Variants in GSE1 observed in about 807,000 individuals in gnomAD.
The protein encoded by GSE1 is genetic suppressor element 1.
GSE1 carries 32 observed loss-of-function variants against 112.6 expected under a neutral mutation model. That is an observed-to-expected ratio of 0.28 (90% CI 0.21 to 0.38). The LOEUF (loss-of-function observed/expected upper bound fraction) is 0.38. GSE1 is among the 10% of genes least tolerant of loss of function. GSE1 has a pLI of 1.00. For synonymous variants in GSE1, 1,115 were observed against 735.6 expected, an observed-to-expected ratio of 1.52 and a Z score of -8.35; for missense variants, 2,348 against 1,699.2, an observed-to-expected ratio of 1.38 and a Z score of -6.71.
chr16:85,438,790 G>A (rs1460614009), intron 2 of GSE1, among the ~76,000 whole-genome samples: 1 of 152,212 alleles, frequency 6.6e-6, no homozygotes, highest in Admixed American at 6.5e-5. Flanking sequence ...AGCAAAGGGT[G>A]CTGGGACACT....
chr16:85,672,193 C>G (rs1390719535), intron 15 of GSE1: 2 of 565,752 alleles, frequency 3.5e-6, no homozygotes, highest in Non-Finnish European at 3.3e-6. Flanking sequence ...TGGGGTTTCC[C>G]CATGTTGGCC....
intron 1 of GSE1, among the ~76,000 whole-genome samples, chr16:85,632,595 T>G (rs746345433): frequency 1.3e-5 from 2 of 152,136 alleles, no homozygotes; most frequent in Non-Finnish European, 2.9e-5. Context: ...CAATTAGACT[T>G]GTCAATGTCA....
At chr16:85,553,549 G>T (rs1396056785), upstream of GSE1, among the ~76,000 whole-genome samples, 1 of 151,994 alleles carries the variant, frequency 6.6e-6, no homozygotes, top group African/African-American at 2.4e-5. Flanking sequence ...CGCCAGGCGG[G>T]GCGCAGCAGC....
intron 1 of GSE1, among the ~76,000 whole-genome samples, chr16:85,235,679 C>T (rs943225776): frequency 6.6e-6 from 1 of 151,830 alleles, no homozygotes; most frequent in Non-Finnish European, 1.5e-5. Flanking sequence ...GGATTCCGTC[C>T]CCTCCCCCAG....
intron 1 of GSE1, among the ~76,000 whole-genome samples, chr16:85,280,609 C>G (rs879398701): frequency 1.3e-5 from 2 of 152,082 alleles, no homozygotes; most frequent in African/African-American, 2.4e-5. Context: ...TTGGCCAGGC[C>G]GCTCTCGAAC....
At chr16:85,236,234 G>T (rs1904648529) in intron 1 of GSE1, among the ~76,000 whole-genome samples, 1 of 152,220 alleles carries the variant, frequency 6.6e-6, no homozygotes, top group Non-Finnish European at 1.5e-5. Context: ...GAGGCCCGGA[G>T]GGGTGAAGGG....
At chr16:85,171,460 A>C (rs2074357880) in exon 1 of GSE1, 1 of 985,208 alleles carries the variant, frequency 1.0e-6, no homozygotes, top group African/African-American at 1.7e-5. Flanking sequence ...CCTGGTGGCT[A>C]CCTGTGTGCT....
At chr16:85,217,486 C>A (rs2075323425) in intron 1 of GSE1, among the ~76,000 whole-genome samples, 1 of 152,246 alleles carries the variant, frequency 6.6e-6, no homozygotes, top group South Asian at 2.1e-4. Context: ...GCGGCTCCTC[C>A]ATTCTCTGAG....
chr16:85,354,338 C>T (rs2151565879), intron 1 of GSE1, among the ~76,000 whole-genome samples: 1 of 152,370 alleles, frequency 6.6e-6, no homozygotes, highest in South Asian at 2.1e-4. Flanking sequence ...TTCATCTCTT[C>T]CTGCCTCCAT....
At chr16:85,240,608 G>T (rs947793832) in intron 1 of GSE1, among the ~76,000 whole-genome samples, 3 of 152,316 alleles carry the variant, frequency 2.0e-5, no homozygotes, top group Admixed American at 6.5e-5. Flanking sequence ...GCTGCTAGGG[G>T]TCTCCCAGAC....
At chr16:85,231,974 G>A (rs781499371) in intron 1 of GSE1, among the ~76,000 whole-genome samples, 6 of 152,232 alleles carry the variant, frequency 3.9e-5, no homozygotes, top group Non-Finnish European at 8.8e-5. Flanking sequence ...ATGAATGCCA[G>A]TGTTGGCTTG....
At chr16:85,315,185 A>T (rs2045961119) in intron 1 of GSE1, among the ~76,000 whole-genome samples, 1 of 150,922 alleles carries the variant, frequency 6.6e-6, no homozygotes. Context: ...TTTGACAAGG[A>T]AGGAGACAAA....
At position 85,311,035 on chromosome 16, in the gene GSE1, C is replaced by T. The variant is rs115990773; in HGVS notation, c.2284-46428C>T. Reference sequence around the variant, plus strand: ...ATAAACCCAGCCGCCTTTCCGCGGCCGTCAGCAATGGCCATGGCTCTGTCA... The same window carrying T: ...ATAAACCCAGCCGCCTTTCCGCGGCTGTCAGCAATGGCCATGGCTCTGTCA... On this transcript the variant is annotated intron_variant, in intron 1 of 2. Transcript: ENST00000637419. This position sits in a 1 kb window ranked among gnomAD's most constrained non-coding sequence, Gnocchi z 4.2. Among the ~76,000 whole-genome samples the T allele has an allele frequency of 4.3e-3, 660 of 152,336 alleles. 4 individuals carry two copies. Among genetic ancestry groups the T allele is most frequent in the African/African-American group, 0.015 (617 of 41,582 alleles).
At chr16:85,204,592 G>C (rs938724945) in intron 1 of GSE1, among the ~76,000 whole-genome samples, 1 of 152,198 alleles carries the variant, frequency 6.6e-6, no homozygotes, top group Non-Finnish European at 1.5e-5. Flanking sequence ...CTTGTTATTT[G>C]CCTTTCTGAT....
At chr16:85,208,582 C>A (rs531615891) in intron 1 of GSE1, among the ~76,000 whole-genome samples, 17 of 152,338 alleles carry the variant, frequency 1.1e-4, no homozygotes, top group African/African-American at 4.1e-4. Context: ...CCAGGGACCG[C>A]AAACTCTGTG....
chr16:85,360,715 C>T (rs960439167), intron 2 of GSE1, among the ~76,000 whole-genome samples: 8 of 151,994 alleles, frequency 5.3e-5, no homozygotes, highest in Admixed American at 2.6e-4. Flanking sequence ...AACACACAGA[C>T]GAAAGCAGGC....
intron 2 of GSE1, among the ~76,000 whole-genome samples, chr16:85,520,459 G>T (rs114152871): frequency 0.03 from 4,461 of 150,738 alleles, 105 homozygotes; most frequent in South Asian, 0.1. Flanking sequence ...GAGAAGGAGT[G>T]TCACTCTTGT....
At chr16:85,359,117 G>A (rs182076904) in intron 2 of GSE1, among the ~76,000 whole-genome samples, 4 of 152,200 alleles carry the variant, frequency 2.6e-5, no homozygotes, top group East Asian at 3.8e-4. Context: ...GATTTCTCAC[G>A]CTCAGCTCTG....
intron 2 of GSE1, among the ~76,000 whole-genome samples, chr16:85,532,970 C>T (rs879011766): frequency 1.3e-5 from 2 of 152,214 alleles, no homozygotes; most frequent in Admixed American, 1.3e-4. Flanking sequence ...CCAAAACCAG[C>T]ACAAACCAGC....
Sources: gnomAD v4.1 joint callset for allele counts (sites outside exome capture counted in the v4.1 genomes callset) on GRCh38, gnomAD v4.1.1 for gene constraint, Gnocchi (gnomAD v3.1) non-coding constraint, MANE v1.5 for transcripts, NCBI Gene and HGNC (gene_info 2026-07-23, HGNC 2026-07-21) for gene names.